The following GLG1 variants were observed in gnomAD, a reference collection of about 807,000 sequenced individuals.
The protein encoded by GLG1 is Golgi apparatus protein 1.
GLG1 carries 38 observed loss-of-function variants against 160.5 expected under a neutral mutation model. The ratio of observed to expected loss-of-function variants is 0.24; its 90% CI spans 0.18 to 0.31. The LOEUF (loss-of-function observed/expected upper bound fraction) is 0.31, where lower values mean the gene tolerates loss of function less well. Among genes scored for constraint, GLG1 ranks in the 10% least tolerant of loss-of-function variants. The pLI, the probability that GLG1 is intolerant of heterozygous loss-of-function variation, is 1.00. For synonymous variants in GLG1, 644 were observed against 543.4 expected (o/e 1.19, Z -2.57); for missense variants, 1,373 against 1,505.2 (o/e 0.91, Z 1.45).
chr16:74,498,473 T>TATATG (rs1394251726), intron 4 of GLG1, among the ~76,000 whole-genome samples: 1 of 73,190 alleles, frequency 1.4e-5, no homozygotes, highest in Non-Finnish European at 2.8e-5. Flanking sequence ...TATATTATAT[T>TATATG]TTATATATAT....
rs189958511 is a variant in GLG1 at position 74,498,146 on chromosome 16, C to G, written c.775-1502G>C. 3.9e-4 allele frequency among the ~76,000 whole-genome samples: 60 copies of G among 151,926 alleles called. 2 individuals are homozygous for G. The highest frequency in any genetic ancestry group is 3.5e-3 in the Admixed American group (53 of 15,240). ...AACCAAAGCATCTTAAAATATAGTG[C>G]TATTAGCCCGGCACGATGGCTCATG... On this transcript the variant is annotated intron_variant, in intron 4 of 25. Transcript: ENST00000422840.
chr16:74,546,343 G>A (rs887302204), intron 1 of GLG1, among the ~76,000 whole-genome samples: 2 of 152,082 alleles, frequency 1.3e-5, no homozygotes, highest in African/African-American at 4.8e-5. Flanking sequence ...GGTGGGGGGC[G>A]CTGAGGTGGA....
chr16:74,482,795 C>T (rs766603589), intron 10 of GLG1, among the ~76,000 whole-genome samples: 1 of 152,126 alleles, frequency 6.6e-6, no homozygotes, highest in Non-Finnish European at 1.5e-5. Context: ...CTTCCAAAGT[C>T]GTGGTGAACA....
At chr16:74,572,972 G>C (rs2018878604) in intron 1 of GLG1, among the ~76,000 whole-genome samples, 1 of 152,182 alleles carries the variant, frequency 6.6e-6, no homozygotes, top group South Asian at 2.1e-4. Context: ...AGCTGAATTA[G>C]AGGACACTCA....
At chr16:74,495,366 G>A (rs535089592) in intron 5 of GLG1, among the ~76,000 whole-genome samples, 30 of 152,116 alleles carry the variant, frequency 2.0e-4, no homozygotes, top group Admixed American at 2.0e-4. Context: ...TGCCTGCCTC[G>A]GCCTCCCAAA....
At chr16:74,459,865 TTA>T in intron 22 of GLG1, 76 bp from the exon 23 acceptor site, 4 of 773,582 alleles carry the variant, frequency 5.2e-6, no homozygotes, top group South Asian at 1.8e-5. Flanking sequence ...TTTTTTTTTT[TTA>T]TTTTTTGAAA....
intron 4 of GLG1, among the ~76,000 whole-genome samples, chr16:74,499,041 C>T (rs1337677820): frequency 6.6e-6 from 1 of 151,982 alleles, no homozygotes; most frequent in Non-Finnish European, 1.5e-5. Flanking sequence ...TCTCCTAACA[C>T]ACATATGAAG....
At chr16:74,498,448 G>GTATATATATATATATAATATATA (rs2016282339) in intron 4 of GLG1, among the ~76,000 whole-genome samples, 1 of 24,038 alleles carries the variant, frequency 4.2e-5, no homozygotes, top group East Asian at 1.8e-3. Context: ...AAAAAAAAAA[G>GTATATATATATATATAATATATA]TATATATATA....
chr16:74,594,802 C>A (rs962784911), intron 1 of GLG1, among the ~76,000 whole-genome samples: 15 of 152,042 alleles, frequency 9.9e-5, no homozygotes, highest in Non-Finnish European at 2.1e-4. Context: ...GGCAGTGGCA[C>A]GATCTCAAAA....
intron 25 of GLG1, among the ~76,000 whole-genome samples, chr16:74,456,254 C>A (rs2014533638): frequency 6.6e-6 from 1 of 152,230 alleles, no homozygotes; most frequent in African/African-American, 2.4e-5. Context: ...CAAAGCCTTG[C>A]AGACAGCCCG....
At chr16:74,496,364 C>T (rs565363152) in intron 5 of GLG1, 77 bp downstream of exon 5, 53 of 1,021,832 alleles carry the variant, frequency 5.2e-5, no homozygotes, top group Middle Eastern at 6.3e-4. Context: ...AAAAACAACA[C>T]AATTAAATTA....
chr16:74,513,477 C>A (rs2016878309), intron 2 of GLG1, among the ~76,000 whole-genome samples: 1 of 152,086 alleles, frequency 6.6e-6, no homozygotes, highest in Admixed American at 6.5e-5. Context: ...TGTTCTGCAG[C>A]CTCCGCTGGT....
At chr16:74,590,651 G>A (rs1219233285) in intron 1 of GLG1, among the ~76,000 whole-genome samples, 3 of 149,022 alleles carry the variant, frequency 2.0e-5, no homozygotes, top group Non-Finnish European at 3.0e-5. Context: ...GAAATTAGCC[G>A]GGCGTGGTGA....
chr16:74,465,538 C>G, intron 19 of GLG1, 138 bp downstream of exon 19: 1 of 821,922 alleles, frequency 1.2e-6, no homozygotes, highest in South Asian at 1.7e-5. Flanking sequence ...AACCCGCAGG[C>G]TCCCAGGGGG....
At chr16:74,466,364 T>C (rs879579298) in intron 18 of GLG1, among the ~76,000 whole-genome samples, 1 of 152,224 alleles carries the variant, frequency 6.6e-6, no homozygotes, top group Non-Finnish European at 1.5e-5. Flanking sequence ...TGTCATGAAA[T>C]GAATTTTAAG....
At chr16:74,543,677 T>G (rs528851534) in intron 1 of GLG1, among the ~76,000 whole-genome samples, 2 of 152,334 alleles carry the variant, frequency 1.3e-5, no homozygotes, top group Non-Finnish European at 2.9e-5. Flanking sequence ...ACTGATAAAC[T>G]AATCTAAATA....
At chr16:74,458,081 A>G (rs2014633391) in intron 23 of GLG1, 87 bp from the exon 24 acceptor site, 1 of 1,328,768 alleles carries the variant, frequency 7.5e-7, no homozygotes, top group Non-Finnish European at 1.1e-6. Context: ...ATACTAATAA[A>G]AAAGGGGGGA....
chr16:74,505,492 G>C (rs1355800814), intron 3 of GLG1, among the ~76,000 whole-genome samples: 1 of 152,164 alleles, frequency 6.6e-6, no homozygotes, highest in African/African-American at 2.4e-5. Flanking sequence ...GACCGAGGGG[G>C]GTGGATCACT....
At chr16:74,497,506 C>T (rs1376139790) in intron 4 of GLG1, among the ~76,000 whole-genome samples, 3 of 143,484 alleles carry the variant, frequency 2.1e-5, no homozygotes, top group South Asian at 2.3e-4. Context: ...GGCGCTATCT[C>T]GGCTCACTGC....
Sources: allele counts gnomAD v4.1 joint callset (sites outside exome capture counted in the v4.1 genomes callset), GRCh38; gene constraint gnomAD v4.1.1; transcripts MANE v1.5; gene names NCBI Gene and HGNC (gene_info 2026-07-23, HGNC 2026-07-21).